DCLK1: variants seen among roughly 807,000 people sequenced by gnomAD.
DCLK1 encodes the protein doublecortin like kinase 1.
Under a neutral mutation model 86.2 loss-of-function variants are expected in DCLK1, and 16 were observed. That is an observed-to-expected ratio of 0.19 (90% CI 0.13 to 0.28). The LOEUF (loss-of-function observed/expected upper bound fraction) is 0.28, where lower values mean the gene tolerates loss of function less well. Among genes scored for constraint, DCLK1 ranks in the 10% least tolerant of loss-of-function variants. DCLK1 has a pLI of 1.00. For missense variants in DCLK1, 590 were observed against 940.2 expected (o/e 0.63, Z 4.87); for synonymous variants, 369 against 370.5 (o/e 1.00, Z 0.05).
At chr13:35,777,278 AAAGTTG>A (rs1342374350) in intron 16 of DCLK1, among the ~76,000 whole-genome samples, 1 of 152,136 alleles carries the variant, frequency 6.6e-6, no homozygotes, top group Non-Finnish European at 1.5e-5. Flanking sequence ...GCAGACTCTT[AAAGTTG>A]AATGAGGGTT....
At chr13:36,062,361 G>C (rs1299505681) in intron 3 of DCLK1, among the ~76,000 whole-genome samples, 1 of 152,156 alleles carries the variant, frequency 6.6e-6, no homozygotes, top group South Asian at 2.1e-4. Context: ...GCATCATGGG[G>C]GCAGGGACTT....
chr13:35,826,564 A>AAGGAAGGAAGGAAGGAAGGAAGGAAGGG (rs1555342400), intron 10 of DCLK1, among the ~76,000 whole-genome samples: 1 of 46,078 alleles, frequency 2.2e-5, no homozygotes, highest in Non-Finnish European at 5.5e-5. Flanking sequence ...AGAAAGAAAC[A>AAGGAAGGAAGGAAGGAAGGAAGGAAGGG]AGTCCTAATT....
intron 6 of DCLK1, among the ~76,000 whole-genome samples, chr13:35,852,752 A>T (rs1022529581): frequency 1.3e-5 from 2 of 152,208 alleles, no homozygotes; most frequent in Non-Finnish European, 2.9e-5. Flanking sequence ...TTCTGCCAAG[A>T]AAGGGACATC....
At chr13:35,827,301 A>G (rs1401817411) in intron 10 of DCLK1, among the ~76,000 whole-genome samples, 1 of 152,220 alleles carries the variant, frequency 6.6e-6, no homozygotes, top group Admixed American at 6.5e-5. Flanking sequence ...CGACAATTGT[A>G]TTGGTACCTA....
chr13:36,095,508 C>G (rs528271338), intron 3 of DCLK1, among the ~76,000 whole-genome samples: 23 of 152,228 alleles, frequency 1.5e-4, no homozygotes, highest in African/African-American at 4.6e-4. Context: ...GCCCGGCTCT[C>G]TCATATCTTT....
chr13:35,985,475 G>T (rs1353825551), intron 3 of DCLK1, among the ~76,000 whole-genome samples: 2 of 152,210 alleles, frequency 1.3e-5, no homozygotes, highest in Non-Finnish European at 2.9e-5. Context: ...TTAATAAGAG[G>T]CTAAGATATA....
chr13:36,002,537 C>G (rs17789896), intron 3 of DCLK1, among the ~76,000 whole-genome samples: 1 of 151,958 alleles, frequency 6.6e-6, no homozygotes, highest in Non-Finnish European at 1.5e-5. Context: ...TTTGTTTCCA[C>G]TGAGGCATTT....
intron 3 of DCLK1, among the ~76,000 whole-genome samples, chr13:36,008,974 G>A (rs1881153648): frequency 9.6e-6 from 1 of 103,818 alleles, no homozygotes; most frequent in African/African-American, 4.0e-5. Flanking sequence ...CTGATGGCCA[G>A]TGATGATGAG....
intron 4 of DCLK1, among the ~76,000 whole-genome samples, chr13:35,901,051 T>G (rs1274412863): frequency 6.6e-6 from 1 of 152,132 alleles, no homozygotes; most frequent in Non-Finnish European, 1.5e-5. Context: ...GGAAATGTTC[T>G]CTCTCACTTA....
At chr13:36,092,765 C>T (rs1788110003) in intron 3 of DCLK1, among the ~76,000 whole-genome samples, 1 of 151,346 alleles carries the variant, frequency 6.6e-6, no homozygotes. Flanking sequence ...GGATTACAGG[C>T]GTGAGCCACC....
At chr13:35,824,762 A>C (rs1193851465) in intron 10 of DCLK1, among the ~76,000 whole-genome samples, 4 of 152,056 alleles carry the variant, frequency 2.6e-5, no homozygotes, top group African/African-American at 7.2e-5. Context: ...CGAAAGGAGG[A>C]GGCTTTCTAT....
intron 3 of DCLK1, among the ~76,000 whole-genome samples, chr13:35,985,391 C>CAAACA (rs1184553463): frequency 4.4e-4 from 62 of 139,582 alleles, no homozygotes; most frequent in East Asian, 2.1e-4. Flanking sequence ...AACAAACAAA[C>CAAACA]AAAAAAAAAA....
At chr13:35,785,742 A>G (rs2086610307) in intron 16 of DCLK1, among the ~76,000 whole-genome samples, 1 of 152,172 alleles carries the variant, frequency 6.6e-6, no homozygotes, top group Non-Finnish European at 1.5e-5. Flanking sequence ...GAGCGCTTTA[A>G]ACACAACAAT....
chr13:35,809,734 C>T (rs2087102581), intron 12 of DCLK1, among the ~76,000 whole-genome samples: 1 of 152,144 alleles, frequency 6.6e-6, no homozygotes, highest in South Asian at 2.1e-4. Context: ...TGAGGGAGGT[C>T]AGACAAGGCT....
At chr13:35,871,797 T>C (rs997492576) in intron 4 of DCLK1, among the ~76,000 whole-genome samples, 5 of 152,184 alleles carry the variant, frequency 3.3e-5, no homozygotes, top group Non-Finnish European at 7.3e-5. Context: ...TTTATTGCCA[T>C]GGGTCCTCAC....
intron 6 of DCLK1, among the ~76,000 whole-genome samples, chr13:35,843,544 GT>G (rs1869970823): frequency 6.6e-6 from 1 of 152,192 alleles, no homozygotes; most frequent in South Asian, 2.1e-4. Flanking sequence ...GTGGAAAAGA[GT>G]TCACTTTAAA....
chr13:35,991,469 T>G (rs940636252), intron 3 of DCLK1, among the ~76,000 whole-genome samples: 5 of 152,070 alleles, frequency 3.3e-5, no homozygotes, highest in African/African-American at 1.2e-4. Flanking sequence ...GAGACCAGCC[T>G]GAGCAACATA....
chr13:35,986,925 A>G (rs768515608), intron 3 of DCLK1, among the ~76,000 whole-genome samples: 2 of 152,232 alleles, frequency 1.3e-5, no homozygotes, highest in Non-Finnish European at 2.9e-5. Context: ...TGAGGAGGAA[A>G]GTTTCCTCAC....
intron 3 of DCLK1, among the ~76,000 whole-genome samples, chr13:36,043,159 C>G (rs1034492406): frequency 9.2e-5 from 14 of 151,954 alleles, no homozygotes; most frequent in African/African-American, 3.1e-4. Context: ...CAGTCATTTA[C>G]AGCATTTAAA....
Sources: allele counts gnomAD v4.1 joint callset (sites outside exome capture counted in the v4.1 genomes callset), GRCh38; gene constraint gnomAD v4.1.1; transcripts MANE v1.5; gene names NCBI Gene and HGNC (gene_info 2026-07-23, HGNC 2026-07-21).